FLRT2: variants seen among roughly 807,000 people sequenced by gnomAD.
The protein encoded by FLRT2 is leucine-rich repeat transmembrane protein FLRT2.
Under a neutral mutation model 40.0 loss-of-function variants are expected in FLRT2, and 15 were observed. The ratio of observed to expected loss-of-function variants is 0.38; its 90% CI spans 0.25 to 0.58. The LOEUF is 0.58. Ranked by LOEUF, FLRT2 falls within the 20% of genes least tolerant of loss-of-function variation. The probability of loss-of-function intolerance (pLI) is 0.71; values close to 1 mark genes in which losing one functional copy is unlikely to be tolerated. For missense variants in FLRT2, 726 were observed against 840.0 expected, an observed-to-expected ratio of 0.86 and a Z score of 1.68; for synonymous variants, 380 against 336.8, an observed-to-expected ratio of 1.13 and a Z score of -1.41.
Position 85,559,897 on chromosome 14 carries a change from G to C in FLRT2, c.-377+29363G>C, listed in dbSNP as rs180805688. Among the ~76,000 whole-genome samples the C allele has an allele frequency of 9.0e-4, 137 of 152,224 alleles. 4 individuals are homozygous for C. The South Asian group carries it at 0.02, about 23-fold the overall frequency. ...TCAGTGACTTTCCTGGGCCTGCCTG[G>C]ATCACTCTCACTTCATGTGGATGAT... is the stretch of plus-strand genomic sequence containing the variant. On this transcript the variant is annotated intron_variant, in intron 1 of 1. Coordinates refer to ENST00000330753, the MANE Select transcript of FLRT2 (RefSeq NM_013231.6).
In FLRT2 at chr14:85,647,297, A is replaced by G. The variant is rs1475202787; in HGVS notation, c.*23800A>G. The G allele has an allele frequency of 6.6e-6, 1 of 152,218 alleles. No individual in the cohort carries two copies. Among genetic ancestry groups the G allele is most frequent in the African/African-American group, 2.4e-5 (1 of 41,462 alleles). 9.4% of individuals were successfully genotyped at this position (152,218 alleles called of 1,614,324 possible). On this transcript the variant is annotated 3_prime_UTR_variant, in exon 2 of 2. Transcript: ENST00000330753. ...CTTATAGTTTACTAACTTACTTAACAGAGGAGTTTTGTTTTCTTGTTATCT... is the reference window on the plus strand; with the variant it reads ...CTTATAGTTTACTAACTTACTTAACGGAGGAGTTTTGTTTTCTTGTTATCT...
At chr14:85,542,042 G>A (rs1046830767) in intron 1 of FLRT2, among the ~76,000 whole-genome samples, 3 of 152,142 alleles carry the variant, frequency 2.0e-5, no homozygotes, top group African/African-American at 7.2e-5. Context: ...TAGAAGATTA[G>A]CATGTAAATT....
Position 85,622,454 on chromosome 14 carries a change from T to C in FLRT2, c.940T>C (p.Cys314Arg). 1 of 1,614,210 alleles carries C rather than the reference T, an allele frequency of 6.2e-7. No homozygotes were observed. Among genetic ancestry groups the C allele is most frequent in the Non-Finnish European group, 8.5e-7 (1 of 1,180,032 alleles). Residue 314 changes from cysteine to arginine, a missense_variant, in exon 2 of 2, where the codon TGT becomes CGT. Physicochemically the swap from Cys to Arg is radical, Grantham distance 180. This residue lies in a region of FLRT2 where 611 missense variants were observed against 690.0 expected (regional missense o/e 0.89). Coordinates refer to ENST00000330753, the MANE Select transcript of FLRT2 (RefSeq NM_013231.6). ...QLTARNNPWF[C>R]DCSIKWVTEW... ...CACTGCTCGGAATAACCCTTGGTTT[T>C]GTGACTGCAGTATTAAATGGGTCAC...
At chr14:85,567,174 G>A (rs1566731862) in intron 1 of FLRT2, among the ~76,000 whole-genome samples, 1 of 152,042 alleles carries the variant, frequency 6.6e-6, no homozygotes, top group African/African-American at 2.4e-5. Flanking sequence ...GTGGGTGAAA[G>A]CATCATATTT....
intron 1 of FLRT2, among the ~76,000 whole-genome samples, chr14:85,579,703 AT>A (rs1007999264): frequency 6.6e-6 from 1 of 152,174 alleles, no homozygotes; most frequent in Admixed American, 6.5e-5. Flanking sequence ...TTTCTGGTTC[AT>A]TTTAACTGAT....
intron 1 of FLRT2, among the ~76,000 whole-genome samples, chr14:85,588,523 A>C (rs1025661540): frequency 1.3e-5 from 2 of 151,520 alleles, no homozygotes; most frequent in African/African-American, 4.8e-5. Flanking sequence ...TATGAGGTAC[A>C]TAAGATGTTT....
chr14:85,619,176 C>T lies in FLRT2; in HGVS notation c.-376-1963C>T, dbSNP rs183745063. Among the ~76,000 whole-genome samples the T allele has an allele frequency of 7.2e-5, 11 of 151,838 alleles. No homozygotes were observed. In the East Asian group the frequency reaches 2.1e-3, roughly 29 times the overall value. ...ATGATCTTGGCTCACCTCCGCCTCCCAGGCTCTGGCAATCCTCCCACCTCA... is the reference window on the plus strand; with the variant it reads ...ATGATCTTGGCTCACCTCCGCCTCCTAGGCTCTGGCAATCCTCCCACCTCA... On this transcript the variant is annotated intron_variant, in intron 1 of 1. Coordinates refer to ENST00000330753, the MANE Select transcript of FLRT2 (RefSeq NM_013231.6).
chr14:85,602,179 C>A (rs147139259), intron 1 of FLRT2, among the ~76,000 whole-genome samples: 1 of 152,162 alleles, frequency 6.6e-6, no homozygotes, highest in East Asian at 1.9e-4. Flanking sequence ...CATACGTACA[C>A]CCTGTAAATG....
chr14:85,645,223 T>TATATATGTATATAC lies in FLRT2; in HGVS notation c.*21738_*21751dup. On this transcript the variant is annotated 3_prime_UTR_variant, in exon 2 of 2. Coordinates refer to ENST00000330753, the MANE Select transcript of FLRT2 (RefSeq NM_013231.6). ...ACATATGTATATATGTACACATGTG[T>TATATATGTATATAC]ATATATGTATATACATATATGTATA... 1 of 150,486 alleles carries TATATATGTATATAC rather than the reference T, an allele frequency of 6.6e-6. No homozygotes were observed. The highest frequency in any genetic ancestry group is 2.1e-4 in the South Asian group (1 of 4,826). 9.3% of individuals were successfully genotyped at this position (150,486 alleles called of 1,614,324 possible).
intron 1 of FLRT2, among the ~76,000 whole-genome samples, chr14:85,556,192 A>G (rs1474728651): frequency 6.6e-6 from 1 of 152,208 alleles, no homozygotes; most frequent in Non-Finnish European, 1.5e-5. Context: ...AGAGACAACT[A>G]TATAGATTTT....
chr14:85,576,421 G>T (rs1891129822), intron 1 of FLRT2, among the ~76,000 whole-genome samples: 1 of 152,100 alleles, frequency 6.6e-6, no homozygotes, highest in Non-Finnish European at 1.5e-5. Context: ...CCAAACAGTA[G>T]ACAGAATGGC....
chr14:85,608,572 G>T (rs1326727444), intron 1 of FLRT2, among the ~76,000 whole-genome samples: 1 of 152,136 alleles, frequency 6.6e-6, no homozygotes, highest in Non-Finnish European at 1.5e-5. Context: ...ACAGATGAAT[G>T]GATGGATGGA....
chr14:85,576,461 A>G (rs1241691416), intron 1 of FLRT2, among the ~76,000 whole-genome samples: 1 of 152,128 alleles, frequency 6.6e-6, no homozygotes, highest in Non-Finnish European at 1.5e-5. Context: ...AACCATTACC[A>G]TTGTTTTGTG....
In FLRT2 at chr14:85,621,266, G is replaced by C. The variant is rs1893366012; in HGVS notation, c.-249G>C. On this transcript the variant is annotated 5_prime_UTR_variant, in exon 2 of 2. Coordinates refer to ENST00000330753, the MANE Select transcript of FLRT2 (RefSeq NM_013231.6). ...CACGGCTGATAACTTGCCATCACCT[G>C]TTGCCAGTGTGGAAAAATTCTCCCT... The C allele has an allele frequency of 3.8e-6, 2 of 522,386 alleles. No homozygotes were observed. Among genetic ancestry groups the C allele is most frequent in the African/African-American group, 3.8e-5 (2 of 52,476 alleles). 32.4% of individuals were successfully genotyped at this position (522,386 alleles called of 1,614,324 possible).
intron 1 of FLRT2, among the ~76,000 whole-genome samples, chr14:85,543,510 C>T (rs1364955249): frequency 6.7e-6 from 1 of 148,614 alleles, no homozygotes; most frequent in Admixed American, 6.8e-5. Flanking sequence ...TTTTTGGTGT[C>T]CCCAGAATTA....
intron 1 of FLRT2, among the ~76,000 whole-genome samples, chr14:85,544,731 A>G (rs1437692727): frequency 6.6e-6 from 1 of 152,208 alleles, no homozygotes; most frequent in Non-Finnish European, 1.5e-5. Flanking sequence ...TGGTTACAGG[A>G]AGTTGGACTT....
intron 1 of FLRT2, among the ~76,000 whole-genome samples, chr14:85,540,346 A>ATT (rs1888912938): frequency 6.6e-6 from 1 of 152,288 alleles, no homozygotes; most frequent in South Asian, 2.1e-4. Context: ...TGTTAGTGTC[A>ATT]TTAAACCCTG....
In FLRT2 at chr14:85,622,616, C is replaced by A. The variant is rs1893451091; in HGVS notation, c.1102C>A (p.Pro368Thr). 6.2e-7 allele frequency: 1 copy of A among 1,613,598 alleles called. No individual in the cohort carries two copies. The highest frequency in any genetic ancestry group is 1.3e-5 in the African/African-American group (1 of 74,876). ...CTGTCCCACCACGACCCCCGGCCTG[C>A]CTCTCTTCACCCCAGCCCCAAGTAC... ...LSCPTTTPGL[P>T]LFTPAPSTAS... Residue 368 changes from proline (P) to threonine (T), a missense_variant, in exon 2 of 2, where the codon CCT (proline) becomes ACT (threonine). Transcript: ENST00000330753.
In FLRT2 at chr14:85,641,290, A is replaced by C. The variant is rs1894142985; in HGVS notation, c.*17793A>C. On this transcript the variant is annotated 3_prime_UTR_variant, in exon 2 of 2. Coordinates refer to ENST00000330753, the MANE Select transcript of FLRT2 (RefSeq NM_013231.6). The stretch of plus-strand genomic sequence containing the variant: ...CTATATGCCTTCCTTTCTGGATAGA[A>C]TCGATCACATTTGCTGGACTCCATT... 6.6e-6 allele frequency: 1 copy of C among 152,204 alleles called. No homozygotes were observed. The highest frequency in any genetic ancestry group is 1.5e-5 in the Non-Finnish European group (1 of 68,038). The allele number at this position is 152,204 out of a possible 1,614,324, so 9.4% of individuals were successfully genotyped here.
Sources: allele counts gnomAD v4.1 joint callset (sites outside exome capture counted in the v4.1 genomes callset), GRCh38; gene constraint gnomAD v4.1.1; regional missense constraint gnomAD v4.1.1; transcripts MANE v1.5; gene names NCBI Gene and HGNC (gene_info 2026-07-23, HGNC 2026-07-21).